Variants in CLVS2 observed in about 807,000 individuals in gnomAD.
CLVS2 encodes clavesin 2.
CLVS2 carries 19 observed loss-of-function variants against 29.0 expected under a neutral mutation model. That is an observed-to-expected ratio of 0.66 (90% CI 0.46 to 0.96). The LOEUF (loss-of-function observed/expected upper bound fraction) is 0.96, where lower values mean the gene tolerates loss of function less well. Ranked by LOEUF, CLVS2 falls within the 40% of genes least tolerant of loss-of-function variation. The pLI, the probability that CLVS2 is intolerant of heterozygous loss-of-function variation, is 0.00. For synonymous variants in CLVS2, 161 were observed against 151.3 expected (o/e 1.06, Z -0.47); for missense variants, 294 against 404.1 (o/e 0.73, Z 2.34).
chr6:123,057,620 G>A (rs1772713043), intron 5 of CLVS2, among the ~76,000 whole-genome samples: 1 of 152,042 alleles, frequency 6.6e-6, no homozygotes, highest in Non-Finnish European at 1.5e-5. Flanking sequence ...TGGGATTACA[G>A]GAGTGAGCCA....
chr6:123,055,684 A>ACTT, intron 4 of CLVS2, 122 bp from the exon 5 acceptor site: 1 of 699,946 alleles, frequency 1.4e-6, no homozygotes, highest in African/African-American at 1.7e-5. Flanking sequence ...TGGCTAAAGT[A>ACTT]CTTTAACAGA....
chr6:123,020,572 T>C (rs760189014), intron 3 of CLVS2, among the ~76,000 whole-genome samples: 3 of 152,060 alleles, frequency 2.0e-5, no homozygotes, highest in Non-Finnish European at 4.4e-5. Context: ...AAAGTCTTGT[T>C]GTATGTGTGG....
intron 3 of CLVS2, 76 bp from the exon 4 acceptor site, chr6:123,048,546 T>C: frequency 3.3e-6 from 3 of 919,570 alleles, no homozygotes; most frequent in Non-Finnish European, 5.2e-6. Context: ...TAAATTTGTA[T>C]ACCATATAAC....
intron 4 of CLVS2, among the ~76,000 whole-genome samples, chr6:123,055,504 C>T (rs745671903): frequency 9.2e-5 from 14 of 152,156 alleles, no homozygotes; most frequent in Non-Finnish European, 1.6e-4. Flanking sequence ...ACGTATTATT[C>T]TGCCCATGTC....
intron 3 of CLVS2, among the ~76,000 whole-genome samples, chr6:123,025,357 T>G (rs1044014214): frequency 1.3e-5 from 2 of 152,164 alleles, no homozygotes; most frequent in African/African-American, 4.8e-5. Context: ...AGTTCTTGGC[T>G]CATTGTCATT....
At position 122,997,598 on chromosome 6, in the gene CLVS2, T is replaced by C; in HGVS notation, c.-180T>C. The C allele has an allele frequency of 1.8e-6, 1 of 542,104 alleles. No individual in the cohort carries two copies. The highest frequency in any genetic ancestry group is 3.3e-6 in the Non-Finnish European group (1 of 304,706). The allele number at this position is 542,104 out of a possible 1,614,324, so 33.6% of individuals were successfully genotyped here. A position where few individuals can be genotyped will look rare whatever the true frequency, so the allele number is the denominator to read the frequency against. On this transcript the variant is annotated 5_prime_UTR_variant, in exon 2 of 6. Coordinates refer to ENST00000275162, the MANE Select transcript of CLVS2 (RefSeq NM_001010852.4). The stretch of plus-strand genomic sequence containing the variant: ...CACCCCCCGGCCCCCCCAGCTTTGC[T>C]GGGGGAAAGCAGGAGCAACAGGGCA...
At chr6:123,004,176 T>G (rs1774630348) in intron 2 of CLVS2, among the ~76,000 whole-genome samples, 2 of 152,226 alleles carry the variant, frequency 1.3e-5, no homozygotes, top group Non-Finnish European at 2.9e-5. Flanking sequence ...TTAGAGTACT[T>G]GGCCCTGATA....
At chr6:123,016,610 G>A (rs1395409502) in intron 3 of CLVS2, among the ~76,000 whole-genome samples, 1 of 152,056 alleles carries the variant, frequency 6.6e-6, no homozygotes, top group African/African-American at 2.4e-5. Flanking sequence ...GTCAAGGCAT[G>A]GCTTGCTGGC....
At chr6:123,056,103 G>C (rs1218241087) in intron 5 of CLVS2, 77 bp downstream of exon 5, 1 of 946,248 alleles carries the variant, frequency 1.1e-6, no homozygotes, top group African/African-American at 1.6e-5. Flanking sequence ...AAAGCTTTCT[G>C]TTTTTCTGTA....
intron 3 of CLVS2, among the ~76,000 whole-genome samples, chr6:123,021,698 T>A (rs555560475): frequency 2.0e-5 from 3 of 152,072 alleles, no homozygotes; most frequent in Non-Finnish European, 4.4e-5. Context: ...GAAATTGGCA[T>A]TGGTACAGCA....
chr6:123,002,347 T>G (rs1323078384), intron 2 of CLVS2, among the ~76,000 whole-genome samples: 1 of 152,190 alleles, frequency 6.6e-6, no homozygotes, highest in Non-Finnish European at 1.5e-5. Flanking sequence ...AAAAAACTTG[T>G]CAGTTTGCTC....
At chr6:123,061,355 A>G (rs1772776207) in intron 5 of CLVS2, among the ~76,000 whole-genome samples, 1 of 152,090 alleles carries the variant, frequency 6.6e-6, no homozygotes, top group South Asian at 2.1e-4. Context: ...TGAGTTAATG[A>G]TAGCTCCCTC....
At chr6:123,038,700 T>C (rs985945251) in intron 3 of CLVS2, among the ~76,000 whole-genome samples, 1 of 151,514 alleles carries the variant, frequency 6.6e-6, no homozygotes, top group African/African-American at 2.4e-5. Flanking sequence ...TGTATATTGA[T>C]TTTTTTTTCT....
At chr6:123,059,824 T>A (rs1772749102) in intron 5 of CLVS2, among the ~76,000 whole-genome samples, 1 of 152,212 alleles carries the variant, frequency 6.6e-6, no homozygotes, top group African/African-American at 2.4e-5. Flanking sequence ...GTATCCTGAT[T>A]CTTTTCTCCA....
At chr6:123,008,382 A>T (rs1450549714) in intron 2 of CLVS2, among the ~76,000 whole-genome samples, 1 of 152,056 alleles carries the variant, frequency 6.6e-6, no homozygotes, top group African/African-American at 2.4e-5. Flanking sequence ...ATCAACGTTT[A>T]TCTTGATTTT....
chr6:123,060,133 TATG>T (rs1403476838), intron 5 of CLVS2, among the ~76,000 whole-genome samples: 3 of 152,354 alleles, frequency 2.0e-5, no homozygotes, highest in East Asian at 3.9e-4. Context: ...TTTGTAGTTT[TATG>T]ATATCTTTAG....
At position 123,066,820 on chromosome 6, in the gene CLVS2, A is replaced by T. The variant is rs1772869374; in HGVS notation, c.*3059A>T. Reference sequence around the variant, plus strand: ...GTAAATACGTAAATCTATATTATATAGGTGAAATATAGATATCATTTGAAG... The same window carrying T: ...GTAAATACGTAAATCTATATTATATTGGTGAAATATAGATATCATTTGAAG... On this transcript the variant is annotated 3_prime_UTR_variant, in exon 6 of 6. Coordinates refer to ENST00000275162, the MANE Select transcript of CLVS2 (RefSeq NM_001010852.4). The T allele has an allele frequency of 6.6e-6, 1 of 151,774 alleles. No individual in the cohort carries two copies. Among genetic ancestry groups the T allele is most frequent in the South Asian group, 2.1e-4 (1 of 4,830 alleles). 9.4% of individuals were successfully genotyped at this position (151,774 alleles called of 1,614,324 possible).
rs1772924592 is a variant in CLVS2, at chr6:123,070,374, T to C, written c.*6613T>C. ...ACATCACATCAGCTAGCTCATGCTG[T>C]TGGGTCTTCAAAATATATCCACACT... On this transcript the variant is annotated 3_prime_UTR_variant, in exon 6 of 6. Coordinates refer to ENST00000275162, the MANE Select transcript of CLVS2 (RefSeq NM_001010852.4). 6.6e-6 allele frequency: 1 copy of C among 151,928 alleles called. No individual in the cohort carries two copies. 9.4% of individuals were successfully genotyped at this position (151,928 alleles called of 1,614,324 possible). A position where few individuals can be genotyped will look rare whatever the true frequency, so the allele number is the denominator to read the frequency against.
chr6:123,027,433 G>T (rs917259274), intron 3 of CLVS2, among the ~76,000 whole-genome samples: 1 of 152,096 alleles, frequency 6.6e-6, no homozygotes, highest in Non-Finnish European at 1.5e-5. Flanking sequence ...TCAAAGGAAG[G>T]GGGAGATAGT....
Sources: gnomAD v4.1 joint callset for allele counts (sites outside exome capture counted in the v4.1 genomes callset) on GRCh38, gnomAD v4.1.1 for gene constraint, MANE v1.5 for transcripts, NCBI Gene and HGNC (gene_info 2026-07-23, HGNC 2026-07-21) for gene names.